The following PITRM1 variants were observed in gnomAD, a reference collection of about 807,000 sequenced individuals.
The protein encoded by PITRM1 is pitrilysin metallopeptidase 1, also known as presequence protease, mitochondrial.
Under a neutral mutation model 129.9 loss-of-function variants are expected in PITRM1, and 100 were observed. The ratio of observed to expected loss-of-function variants is 0.77; its 90% CI spans 0.65 to 0.91. The LOEUF is 0.91. Ranked by LOEUF, PITRM1 falls within the 40% of genes least tolerant of loss-of-function variation. The pLI is 0.00. For missense variants in PITRM1, 1,471 were observed against 1,318.3 expected, an observed-to-expected ratio of 1.12 and a Z score of -1.79; for synonymous variants, 591 against 508.8, an observed-to-expected ratio of 1.16 and a Z score of -2.17.
chr10:3,147,429 C>G (rs1388741839), intron 19 of PITRM1, 143 bp downstream of exon 19: 1 of 1,104,134 alleles, frequency 9.1e-7, no homozygotes, highest in Non-Finnish European at 1.3e-6. Flanking sequence ...TGAGTCAAAA[C>G]CAACCAACCA....
At chr10:3,159,686 A>C (rs571527180) in intron 9 of PITRM1, among the ~76,000 whole-genome samples, 162 bp downstream of exon 9, 1 of 152,330 alleles carries the variant, frequency 6.6e-6, no homozygotes, top group African/African-American at 2.4e-5. Context: ...GATGTTATTA[A>C]AAACTTCGAC....
intron 1 of PITRM1, among the ~76,000 whole-genome samples, chr10:3,171,257 CAT>C (rs1459823026): frequency 7.7e-6 from 1 of 130,492 alleles, no homozygotes; most frequent in African/African-American, 2.9e-5. Context: ...AAAAGATACA[CAT>C]GATACAGTAT....
At chr10:3,168,915 TACACACACACACACACACACACACAC>T (rs61366911) in intron 2 of PITRM1, among the ~76,000 whole-genome samples, 12 of 142,950 alleles carry the variant, frequency 8.4e-5, no homozygotes, top group East Asian at 6.3e-4. Flanking sequence ...AGTTTCCATC[TACACACACACACACACACACACACAC>T]ACACACACAC....
intron 6 of PITRM1, among the ~76,000 whole-genome samples, chr10:3,164,523 C>T (rs1042344200): frequency 6.6e-6 from 1 of 152,090 alleles, no homozygotes; most frequent in Non-Finnish European, 1.5e-5. Flanking sequence ...TTGGCGATGA[C>T]CTTGAGCTGT....
intron 4 of PITRM1, among the ~76,000 whole-genome samples, 180 bp from the exon 5 acceptor site, chr10:3,165,707 T>C (rs1246222498): frequency 6.6e-6 from 1 of 152,212 alleles, no homozygotes; most frequent in Non-Finnish European, 1.5e-5. Flanking sequence ...TAACCCCAAG[T>C]GCCGGCTTTC....
rs1472936568 is a variant in PITRM1, at chr10:3,158,029, G to A, written c.1250+11C>T. ...AACGAAAGCAGATTGTTACAAACAA[G>A]CTACACTCACTCAACTACTTCATCA... On this transcript the variant is annotated intron_variant, in intron 11 of 26. Transcript: ENST00000224949. 3 of 1,492,364 alleles carry A rather than the reference G, an allele frequency of 2.0e-6. No individual in the cohort carries two copies. The highest frequency in any genetic ancestry group is 2.8e-6 in the Non-Finnish European group (3 of 1,068,236). 92.4% of individuals were successfully genotyped at this position (1,492,364 alleles called of 1,614,324 possible).
chr10:3,165,107 A>T, intron 6 of PITRM1, 131 bp downstream of exon 6: 1 of 740,398 alleles, frequency 1.4e-6, no homozygotes, highest in Non-Finnish European at 2.2e-6. Context: ...CACAGCACTG[A>T]CCCCAGCTAA....
rs375131093 is a variant in PITRM1, at chr10:3,158,935, G to A, written c.1115C>T (p.Thr372Ile). The change falls in exon 10 of 27, where the codon ACA becomes ATA. Residue 372 changes from threonine (T) to isoleucine (I), a missense_variant. Physicochemically the swap from Thr to Ile is moderately conservative, Grantham distance 89. Transcript: ENST00000224949. ...YKALIESGLG[T>I]DFSPDVGYNG... ...TCACCCAACATCAGGAGAAAAGTCT[G>A]TGCCAAGGCCAGATTCAATCAAGGC... 61 of 1,613,488 alleles carry A rather than the reference G, an allele frequency of 3.8e-5. No individual in the cohort carries two copies. In the African/African-American group the frequency reaches 7.3e-4, roughly 19 times the overall value.
At position 3,148,160 on chromosome 10, in the gene PITRM1, T is replaced by A; in HGVS notation, c.1992+11A>T. The A allele has an allele frequency of 6.2e-7, 1 of 1,613,922 alleles. No individual in the cohort carries two copies. On this transcript the variant is annotated intron_variant, in intron 17 of 26. Coordinates refer to ENST00000224949, the MANE Select transcript of PITRM1 (RefSeq NM_014889.4). ...TCCCACCGCAGCAGTCGTCTGACGG[T>A]ACCAGGCTACCTGCTCGTAGGTGTC...
chr10:3,143,942 G>T (rs376246605), intron 22 of PITRM1: 2 of 513,212 alleles, frequency 3.9e-6, no homozygotes, highest in Non-Finnish European at 7.2e-6. Flanking sequence ...CTGTCAGACC[G>T]CTCCACTGGC....
chr10:3,159,638 A>G (rs551351418), intron 9 of PITRM1, among the ~76,000 whole-genome samples: 157 of 152,310 alleles, frequency 1.0e-3, no homozygotes, highest in African/African-American at 3.7e-3. Context: ...TTTCTTCCGG[A>G]GGGCTATCAA....
At chr10:3,138,749 G>A in intron 25 of PITRM1, 155 bp downstream of exon 25, 4 of 813,812 alleles carry the variant, frequency 4.9e-6, no homozygotes, top group South Asian at 4.1e-5. Context: ...ATGTCAGGAA[G>A]CGTGTTTAGG....
intron 2 of PITRM1, among the ~76,000 whole-genome samples, chr10:3,168,405 A>G (rs1764969976): frequency 6.6e-6 from 1 of 152,062 alleles, no homozygotes; most frequent in Non-Finnish European, 1.5e-5. Context: ...AACAAGAATC[A>G]TGACTTATCG....
chr10:3,169,300 C>G lies in PITRM1; in HGVS notation c.159+804G>C, dbSNP rs185870586. 1.3e-4 allele frequency among the ~76,000 whole-genome samples: 20 copies of G among 152,306 alleles called. No individual in the cohort carries two copies. The East Asian group carries it at 3.7e-3, about 28-fold the overall frequency. On this transcript the variant is annotated intron_variant, in intron 2 of 26. Transcript: ENST00000224949. ...TGGCGCACCCTAGTCACTGCCCTGG[C>G]TCCCTTGCTGGAGCCCTGACCGAAG...
chr10:3,163,856 G>T lies in PITRM1; in HGVS notation c.660C>A (p.His220Gln), dbSNP rs1379281226. ...FTDNERIFSQ[H>Q]LQNRLLPDHT... ...GGTCAGGAAGAAGTCTGTTCTGAAG[G>T]TGCTGGGAGAATATCCTCTCATTGT... The change falls in exon 7 of 27, where the codon CAC becomes CAA. Residue 220 changes from histidine to glutamine, a missense_variant. By Grantham distance (24) the His-to-Gln change is conservative. Transcript: ENST00000224949. 1.2e-6 allele frequency: 2 copies of T among 1,608,596 alleles called. No individual in the cohort carries two copies. The highest frequency in any genetic ancestry group is 1.7e-6 in the Non-Finnish European group (2 of 1,177,472).
chr10:3,157,458 TG>T lies in PITRM1; in HGVS notation c.1323del (p.Ser442AlafsTer4). 1 of 1,609,840 alleles carries T rather than the reference TG, an allele frequency of 6.2e-7. No homozygotes were observed. Among genetic ancestry groups the T allele is most frequent in the Non-Finnish European group, 8.5e-7 (1 of 1,177,226 alleles). On this transcript the variant is annotated frameshift_variant, in exon 12 of 27. Coordinates refer to ENST00000224949, the MANE Select transcript of PITRM1 (RefSeq NM_014889.4). LOFTEE classifies it high-confidence loss of function. ...KIEIQMKHQS[T>X]SFGLMLTSYI... ...ACTGATGTCAGCATCAGCCCAAAGC[TG>T]GTAGACTGATGTTTCATCTGTATTT...
chr10:3,171,568 G>A (rs911745384), intron 1 of PITRM1, among the ~76,000 whole-genome samples: 1 of 152,174 alleles, frequency 6.6e-6, no homozygotes, highest in African/African-American at 2.4e-5. Flanking sequence ...AGCCTCCTGA[G>A]TGGCTGGGAC....
intron 20 of PITRM1, chr10:3,146,258 C>G (rs1328900131): frequency 6.5e-6 from 1 of 153,740 alleles, no homozygotes; most frequent in Non-Finnish European, 1.4e-5. Flanking sequence ...TATATTTTTT[C>G]CTTTCAGCTG....
intron 24 of PITRM1, among the ~76,000 whole-genome samples, chr10:3,139,788 G>C (rs1291941894): frequency 2.0e-5 from 3 of 152,232 alleles, no homozygotes; most frequent in Non-Finnish European, 4.4e-5. Flanking sequence ...TTAGCCTCCT[G>C]TAGCTAGGAC....
Sources: gnomAD v4.1 joint callset for allele counts (sites outside exome capture counted in the v4.1 genomes callset) on GRCh38, gnomAD v4.1.1 for gene constraint, MANE v1.5 for transcripts, NCBI Gene and HGNC (gene_info 2026-07-23, HGNC 2026-07-21) for gene names.